The following SLC24A2 variants were observed in gnomAD, a reference collection of about 807,000 sequenced individuals.
The protein encoded by SLC24A2 is sodium/potassium/calcium exchanger 2.
A neutral mutation model predicts 62.0 loss-of-function variants in SLC24A2; 36 were observed. That is an observed-to-expected ratio of 0.58 (90% CI 0.44 to 0.77). The LOEUF is 0.77. SLC24A2 is among the 30% of genes least tolerant of loss of function. SLC24A2 has a pLI of 0.00. For missense variants in SLC24A2, 846 were observed against 817.9 expected, an observed-to-expected ratio of 1.03 and a Z score of -0.42; for synonymous variants, 358 against 294.0, an observed-to-expected ratio of 1.22 and a Z score of -2.23.
At chr9:19,672,035 C>T (rs1819433281) in intron 2 of SLC24A2, among the ~76,000 whole-genome samples, 1 of 145,466 alleles carries the variant, frequency 6.9e-6, no homozygotes, top group Non-Finnish European at 1.5e-5. Context: ...TACGTCCTTT[C>T]CTGGCTTTGG....
In SLC24A2 at chr9:19,607,199, A is replaced by G. The variant is rs144802911; in HGVS notation, c.1079-9920T>C. Among the ~76,000 whole-genome samples the G allele has an allele frequency of 8.2e-4, 125 of 152,318 alleles. 2 individuals are homozygous for G. Among genetic ancestry groups the G allele is most frequent in the Middle Eastern group, 3.4e-3 (1 of 294 alleles). ...TCGAATAGGAAGTCTTTGGTAAATG[A>G]AAGTGCTTCTTCACCTTCAGTGACT... On this transcript the variant is annotated intron_variant, in intron 4 of 10. Coordinates refer to ENST00000341998, the MANE Select transcript of SLC24A2 (RefSeq NM_020344.4).
chr9:19,850,493 AT>A, the SLC24A2 span, among the ~76,000 whole-genome samples: 1 of 152,152 alleles, frequency 6.6e-6, no homozygotes. Context: ...ATATCATAAA[AT>A]TTACCCTTTT....
chr9:19,567,058 T>G (rs754679003), intron 7 of SLC24A2, among the ~76,000 whole-genome samples: 2 of 151,266 alleles, frequency 1.3e-5, no homozygotes, highest in African/African-American at 4.9e-5. Flanking sequence ...TGTATACATA[T>G]GTAATAAACC....
intron 2 of SLC24A2, among the ~76,000 whole-genome samples, chr9:19,782,055 T>A (rs1013375133): frequency 2.0e-5 from 3 of 152,156 alleles, no homozygotes; most frequent in African/African-American, 7.2e-5. Context: ...GCCCTCCAAC[T>A]ATCCAGCTTT....
At chr9:20,216,214 T>C in the SLC24A2 span, among the ~76,000 whole-genome samples, 4 of 152,318 alleles carry the variant, frequency 2.6e-5, no homozygotes, top group Admixed American at 6.5e-5. Context: ...CCACGTTGTA[T>C]CCCGTTTGCC....
At chr9:19,616,736 G>T (rs1817778042) in intron 4 of SLC24A2, among the ~76,000 whole-genome samples, 1 of 151,954 alleles carries the variant, frequency 6.6e-6, no homozygotes, top group African/African-American at 2.4e-5. Flanking sequence ...GGCAGAAACA[G>T]GCAATAAATA....
chr9:19,676,332 A>G (rs115155271), intron 2 of SLC24A2, among the ~76,000 whole-genome samples: 1,729 of 152,254 alleles, frequency 0.011, 42 homozygotes, highest in African/African-American at 0.039. Flanking sequence ...CAAGTTCACA[A>G]TGTGAGTCTC....
At chr9:19,955,354 A>G in the SLC24A2 span, among the ~76,000 whole-genome samples, 1 of 151,366 alleles carries the variant, frequency 6.6e-6, no homozygotes, top group South Asian at 2.1e-4. Context: ...ATAAAAAACT[A>G]GGATATGAGT....
At chr9:20,078,863 T>C in the SLC24A2 span, among the ~76,000 whole-genome samples, 2 of 152,156 alleles carry the variant, frequency 1.3e-5, no homozygotes, top group African/African-American at 2.4e-5. Context: ...TAAATAGAAA[T>C]GAAGAATTGT....
At chr9:19,535,801 G>A (rs1833938067) in intron 8 of SLC24A2, among the ~76,000 whole-genome samples, 1 of 152,020 alleles carries the variant, frequency 6.6e-6, no homozygotes. Context: ...TTTGTTCTTT[G>A]CTTAGGATTG....
the SLC24A2 span, among the ~76,000 whole-genome samples, chr9:19,950,713 A>C: frequency 6.6e-6 from 1 of 152,202 alleles, no homozygotes; most frequent in Non-Finnish European, 1.5e-5. Flanking sequence ...ATTCTACTGC[A>C]AGTGTGGGAA....
the SLC24A2 span, among the ~76,000 whole-genome samples, chr9:20,000,186 G>A: frequency 2.6e-5 from 4 of 152,318 alleles, no homozygotes; most frequent in African/African-American, 9.6e-5. Context: ...GGAAATGGTT[G>A]GCACTTAATG....
At chr9:19,657,024 C>T (rs998403111) in intron 2 of SLC24A2, among the ~76,000 whole-genome samples, 13 of 152,162 alleles carry the variant, frequency 8.5e-5, no homozygotes, top group Non-Finnish European at 1.5e-4. Context: ...GGGTTTCTTC[C>T]CTCTGCAGTG....
At chr9:20,018,782 C>A in the SLC24A2 span, among the ~76,000 whole-genome samples, 25 of 152,020 alleles carry the variant, frequency 1.6e-4, no homozygotes, top group South Asian at 5.2e-3. Flanking sequence ...AAACCCATAT[C>A]TTAAAAAGTA....
intron 4 of SLC24A2, among the ~76,000 whole-genome samples, chr9:19,607,540 C>T (rs578224389): frequency 7.2e-5 from 11 of 151,820 alleles, no homozygotes; most frequent in African/African-American, 1.9e-4. Flanking sequence ...GCCAACATGG[C>T]GAAACCCGTC....
intron 7 of SLC24A2, among the ~76,000 whole-genome samples, chr9:19,560,840 C>CTCTA (rs777682239): frequency 2.6e-5 from 4 of 151,640 alleles, no homozygotes; most frequent in African/African-American, 9.7e-5. Context: ...ATAGAAAGAT[C>CTCTA]TCTATCTTTG....
At chr9:19,744,192 T>C (rs1055346196) in intron 2 of SLC24A2, among the ~76,000 whole-genome samples, 7 of 152,142 alleles carry the variant, frequency 4.6e-5, no homozygotes, top group African/African-American at 1.7e-4. Context: ...CTTGTCCATA[T>C]TACTGAGAGG....
At chr9:20,203,341 T>G in the SLC24A2 span, among the ~76,000 whole-genome samples, 1 of 152,216 alleles carries the variant, frequency 6.6e-6, no homozygotes, top group East Asian at 1.9e-4. Context: ...GTTCTTCTTA[T>G]GGCAGGGAGT....
chr9:20,195,775 C>T, the SLC24A2 span, among the ~76,000 whole-genome samples: 1 of 151,972 alleles, frequency 6.6e-6, no homozygotes, highest in African/African-American at 2.4e-5. Context: ...TAATTTCCCA[C>T]TTAAAATAGT....
Sources: gnomAD v4.1 joint callset for allele counts (sites outside exome capture counted in the v4.1 genomes callset) on GRCh38, gnomAD v4.1.1 for gene constraint, MANE v1.5 for transcripts, NCBI Gene and HGNC (gene_info 2026-07-23, HGNC 2026-07-21) for gene names.